Variants in USP34 observed in about 807,000 individuals in gnomAD.
USP34 encodes the protein ubiquitin specific peptidase 34, also known as ubiquitin carboxyl-terminal hydrolase 34.
A neutral mutation model predicts 460.3 loss-of-function variants in USP34; 70 were observed. The observed-to-expected ratio is 0.15, with a 90% CI of 0.13 to 0.19. USP34 has a LOEUF of 0.19. Ranked by LOEUF, USP34 falls within the 10% of genes least tolerant of loss-of-function variation. The probability of loss-of-function intolerance (pLI) is 1.00; values close to 1 mark genes in which losing one functional copy is unlikely to be tolerated. For synonymous variants in USP34, 1,647 were observed against 1,405.3 expected (o/e 1.17, Z -3.85); for missense variants, 3,985 against 4,236.2 (o/e 0.94, Z 1.65).
intron 2 of USP34, among the ~76,000 whole-genome samples, chr2:61,409,114 G>A (rs530689871): frequency 3.0e-4 from 46 of 152,246 alleles, no homozygotes; most frequent in African/African-American, 1.1e-3. Context: ...CACCTACTCA[G>A]GAGGCTGAGG....
rs1187712587 is a variant in USP34, at chr2:61,188,710, C to G, written c.10034-1G>C. The G allele has an allele frequency of 6.2e-7, 1 of 1,611,452 alleles. No individual in the cohort carries two copies. The highest frequency in any genetic ancestry group is 8.5e-7 in the Non-Finnish European group (1 of 1,178,846). On this transcript the variant is annotated splice_acceptor_variant, in intron 79 of 79. Coordinates refer to ENST00000398571, the MANE Select transcript of USP34 (RefSeq NM_014709.4). LOFTEE classifies it high-confidence loss of function. ...TTAATGGGAGTTGCTCCTTCATCAT[C>G]TGTGAAAACACATGCCAAAAGGGAA...
Position 61,350,550 on chromosome 2 carries a change from A to G in USP34, c.1377+18T>C. ...TTCACGGGAAAAAAAAAAAACTATC[A>G]TGTTTTGAATGTATTACCTGTTCAG... On this transcript the variant is annotated intron_variant, in intron 11 of 79. Coordinates refer to ENST00000398571, the MANE Select transcript of USP34 (RefSeq NM_014709.4). 6.3e-7 allele frequency: 1 copy of G among 1,577,734 alleles called. No individual in the cohort carries two copies. Among genetic ancestry groups the G allele is most frequent in the East Asian group, 2.2e-5 (1 of 44,634 alleles).
chr2:61,404,734 A>C (rs1220479833), intron 3 of USP34, among the ~76,000 whole-genome samples: 1 of 152,202 alleles, frequency 6.6e-6, no homozygotes, highest in Non-Finnish European at 1.5e-5. Flanking sequence ...AAACTAGCTA[A>C]GGAACTGCCT....
intron 3 of USP34, among the ~76,000 whole-genome samples, chr2:61,395,440 C>T (rs1693487355): frequency 6.6e-6 from 1 of 152,182 alleles, no homozygotes; most frequent in African/African-American, 2.4e-5. Context: ...AGCCATTCCA[C>T]AGTACATACT....
intron 16 of USP34, among the ~76,000 whole-genome samples, chr2:61,340,771 T>C (rs1017584): frequency 0.15 from 23,315 of 152,082 alleles, 2,216 homozygotes; most frequent in South Asian, 0.36. Context: ...TGTCTTACTA[T>C]TGAGTTATGA....
intron 41 of USP34, among the ~76,000 whole-genome samples, chr2:61,276,359 TA>T: frequency 6.6e-6 from 1 of 152,232 alleles, no homozygotes; most frequent in Non-Finnish European, 1.5e-5. Context: ...GTCAAAGATT[TA>T]AATTATTGCC....
intron 30 of USP34, among the ~76,000 whole-genome samples, 187 bp from the exon 31 acceptor site, chr2:61,295,477 A>C (rs115108049): frequency 0.018 from 2,716 of 152,274 alleles, 46 homozygotes; most frequent in Non-Finnish European, 0.029. Context: ...TTATGCATTA[A>C]ATTTTCTGAA....
intron 33 of USP34, 132 bp downstream of exon 33, chr2:61,293,332 A>C: frequency 3.8e-6 from 2 of 530,324 alleles, no homozygotes; most frequent in Non-Finnish European, 6.4e-6. Flanking sequence ...CTGTATTTTT[A>C]AATTCATTTC....
chr2:61,357,901 T>A (rs1692153539), intron 10 of USP34, among the ~76,000 whole-genome samples: 1 of 151,888 alleles, frequency 6.6e-6, no homozygotes, highest in Admixed American at 6.6e-5. Context: ...TACAAAACAG[T>A]AAGAATGGGC....
intron 57 of USP34, 86 bp downstream of exon 57, chr2:61,235,759 C>A: frequency 7.3e-7 from 1 of 1,374,138 alleles, no homozygotes; most frequent in Non-Finnish European, 9.9e-7. Context: ...ACAGATAAAA[C>A]AACTCTGCTG....
intron 75 of USP34, among the ~76,000 whole-genome samples, chr2:61,201,251 T>G (rs950711600): frequency 2.7e-5 from 4 of 147,504 alleles, no homozygotes; most frequent in Non-Finnish European, 3.0e-5. Context: ...GGGTCTCGCT[T>G]AGTCACCAGG....
At chr2:61,307,017 T>C (rs1690429644) in intron 27 of USP34, among the ~76,000 whole-genome samples, 1 of 152,080 alleles carries the variant, frequency 6.6e-6, no homozygotes, top group Non-Finnish European at 1.5e-5. Context: ...CATGCACACA[T>C]ATGTTTATTG....
In USP34 at chr2:61,293,622, A is replaced by G. The variant is rs1689928894; in HGVS notation, c.4462-72T>C. Reference sequence around the variant, plus strand: ...ATGCAATAATGCTTGTTGATTCAGTAACTGGATATGTAAAATATTACGTAT... The same window carrying G: ...ATGCAATAATGCTTGTTGATTCAGTGACTGGATATGTAAAATATTACGTAT... On this transcript the variant is annotated intron_variant, in intron 32 of 79. Transcript: ENST00000398571. 4 of 1,091,482 alleles carry G rather than the reference A, an allele frequency of 3.7e-6. No individual in the cohort carries two copies. The Admixed American group carries it at 5.9e-5, about 16-fold the overall frequency. The allele number at this position is 1,091,482 out of a possible 1,614,324, so 67.6% of individuals were successfully genotyped here.
chr2:61,406,481 A>G (rs1397219265), intron 2 of USP34, among the ~76,000 whole-genome samples: 1 of 152,178 alleles, frequency 6.6e-6, no homozygotes, highest in African/African-American at 2.4e-5. Context: ...TTATAACAAA[A>G]TATCTTATTA....
At chr2:61,399,543 A>C (rs962921025) in intron 3 of USP34, among the ~76,000 whole-genome samples, 2 of 151,998 alleles carry the variant, frequency 1.3e-5, no homozygotes, top group Non-Finnish European at 2.9e-5. Flanking sequence ...GTTAAAAAAA[A>C]CACTAAGAAC....
Position 61,231,753 on chromosome 2 carries a change from T to C in USP34, c.7113+699A>G, listed in dbSNP as rs372991370. Among the ~76,000 whole-genome samples the C allele has an allele frequency of 5.9e-5, 9 of 151,992 alleles. 1 individual carries two copies. The East Asian group carries it at 9.6e-4, about 16-fold the overall frequency. ...CAAAATTACCAGGTGTGGTGGTGTG[T>C]GCGTGTAGTCCTACCTGCTGAGGCA... On this transcript the variant is annotated intron_variant, in intron 58 of 79. Coordinates refer to ENST00000398571, the MANE Select transcript of USP34 (RefSeq NM_014709.4).
Position 61,343,868 on chromosome 2 carries a change from A to C in USP34, c.2447T>G (p.Leu816Arg). ...AGCTAAATTGGGAAGATGTTGTTGG[A>C]GGTGAGATGTCAGTTCCGCATGTGA... ...INSHAELTSH[L>R]QQHLPNLASI... Residue 816 changes from leucine to arginine, a missense_variant, in exon 16 of 80, where the codon CTC (leucine) becomes CGC (arginine). Physicochemically the swap from Leu to Arg is moderately radical, Grantham distance 102 (BLOSUM62 -2). Coordinates refer to ENST00000398571, the MANE Select transcript of USP34 (RefSeq NM_014709.4). The C allele has an allele frequency of 6.2e-7, 1 of 1,613,972 alleles. No individual in the cohort carries two copies. The highest frequency in any genetic ancestry group is 8.5e-7 in the Non-Finnish European group (1 of 1,179,914).
chr2:61,225,111 CAG>C, intron 62 of USP34, among the ~76,000 whole-genome samples: 1 of 151,904 alleles, frequency 6.6e-6, no homozygotes, highest in Non-Finnish European at 1.5e-5. Flanking sequence ...TTTTCTGTAA[CAG>C]ATTTTCTGTA....
chr2:61,453,180 GCGGGT>G (rs1270993896), intron 1 of USP34, among the ~76,000 whole-genome samples: 2 of 152,236 alleles, frequency 1.3e-5, no homozygotes, highest in South Asian at 2.1e-4. Context: ...GGAGGCCGAA[GCGGGT>G]GGATTGCTAG....
Sources: allele counts gnomAD v4.1 joint callset (sites outside exome capture counted in the v4.1 genomes callset), GRCh38; gene constraint gnomAD v4.1.1; transcripts MANE v1.5; gene names NCBI Gene and HGNC (gene_info 2026-07-23, HGNC 2026-07-21).